The following PARN variants were observed in gnomAD, a reference collection of about 807,000 sequenced individuals.
The protein encoded by PARN is poly(A)-specific ribonuclease.
PARN carries 71 observed loss-of-function variants against 102.8 expected under a neutral mutation model. That is an observed-to-expected ratio of 0.69 (90% CI 0.57 to 0.84). The LOEUF (loss-of-function observed/expected upper bound fraction) is 0.84, where lower values mean the gene tolerates loss of function less well. Among genes scored for constraint, PARN ranks in the 40% least tolerant of loss-of-function variants. The pLI is 0.00. For missense variants in PARN, 782 were observed against 760.9 expected, an observed-to-expected ratio of 1.03 and a Z score of -0.33; for synonymous variants, 261 against 252.9, an observed-to-expected ratio of 1.03 and a Z score of -0.30.
intron 22 of PARN, among the ~76,000 whole-genome samples, chr16:14,449,652 AAAAG>A (rs1210582779): frequency 2.0e-5 from 3 of 152,232 alleles, no homozygotes; most frequent in African/African-American, 7.2e-5. Context: ...CTTGAAGAGA[AAAAG>A]AAAGACCAAA....
At chr16:14,629,793 T>C (rs1463491400) in intron 1 of PARN, 119 bp from the exon 2 acceptor site, 5 of 796,454 alleles carry the variant, frequency 6.3e-6, no homozygotes, top group Non-Finnish European at 1.1e-5. Context: ...GTCCCGGAGG[T>C]GTGCACCGGG....
chr16:14,480,914 G>A (rs1383174447), intron 22 of PARN, among the ~76,000 whole-genome samples: 1 of 151,224 alleles, frequency 6.6e-6, no homozygotes, highest in East Asian at 1.9e-4. Flanking sequence ...ACTCCAGCCT[G>A]GGAAAAAGAG....
intron 22 of PARN, among the ~76,000 whole-genome samples, chr16:14,455,589 G>A (rs1315996871): frequency 6.6e-6 from 1 of 152,200 alleles, no homozygotes; most frequent in Non-Finnish European, 1.5e-5. Flanking sequence ...ACGCTTCAAA[G>A]CTACCAACTT....
intron 5 of PARN, among the ~76,000 whole-genome samples, chr16:14,625,854 G>C (rs933884054): frequency 2.0e-5 from 3 of 152,216 alleles, no homozygotes; most frequent in Non-Finnish European, 2.9e-5. Context: ...TAGTGGGAGA[G>C]AAGATAGGAT....
At chr16:14,527,021 T>C (rs2151661878) in intron 21 of PARN, among the ~76,000 whole-genome samples, 1 of 152,348 alleles carries the variant, frequency 6.6e-6, no homozygotes, top group African/African-American at 2.4e-5. Flanking sequence ...CACTCCAGTC[T>C]TGCAGCTATA....
At chr16:14,523,091 A>T (rs1047433021) in intron 21 of PARN, among the ~76,000 whole-genome samples, 1 of 152,158 alleles carries the variant, frequency 6.6e-6, no homozygotes, top group African/African-American at 2.4e-5. Flanking sequence ...AAAAAAGGAA[A>T]ACCTTGACAT....
chr16:14,604,766 C>T (rs759608710), intron 10 of PARN, among the ~76,000 whole-genome samples: 3 of 151,970 alleles, frequency 2.0e-5, no homozygotes, highest in Non-Finnish European at 2.9e-5. Context: ...CAGGTGCGCA[C>T]CAATACGCCC....
intron 18 of PARN, among the ~76,000 whole-genome samples, chr16:14,561,663 G>C (rs952987223): frequency 6.6e-6 from 1 of 152,094 alleles, no homozygotes; most frequent in Non-Finnish European, 1.5e-5. Context: ...AAGTAAATTA[G>C]CCGGGCAAGG....
intron 22 of PARN, among the ~76,000 whole-genome samples, chr16:14,449,682 T>G (rs140701603): frequency 4.5e-4 from 68 of 151,974 alleles, no homozygotes; most frequent in African/African-American, 1.6e-3. Context: ...TATAGAAAAC[T>G]AAAAAAGGTA....
At chr16:14,523,877 G>A (rs774349416) in intron 21 of PARN, among the ~76,000 whole-genome samples, 1 of 151,968 alleles carries the variant, frequency 6.6e-6, no homozygotes, top group Non-Finnish European at 1.5e-5. Flanking sequence ...GAACACCATA[G>A]GGAGCACTTA....
intron 21 of PARN, among the ~76,000 whole-genome samples, chr16:14,538,324 C>T (rs576733970): frequency 6.6e-6 from 1 of 150,698 alleles, no homozygotes; most frequent in East Asian, 2.0e-4. Flanking sequence ...GTTCAAGCAA[C>T]TCTCCTGCCT....
intron 1 of PARN, 122 bp from the exon 2 acceptor site, chr16:14,629,796 G>T: frequency 1.3e-6 from 1 of 773,684 alleles, no homozygotes; most frequent in Non-Finnish European, 2.2e-6. Flanking sequence ...CCGGAGGTGT[G>T]CACCGGGGCG....
intron 21 of PARN, among the ~76,000 whole-genome samples, chr16:14,542,014 T>C (rs2379096): frequency 0.68 from 102,794 of 151,714 alleles, 36,145 homozygotes; most frequent in Non-Finnish European, 0.78. Context: ...TAGAGAATGA[T>C]TTTTTTTTGA....
At chr16:14,572,244 C>T (rs1188324642) in intron 18 of PARN, among the ~76,000 whole-genome samples, 2 of 152,172 alleles carry the variant, frequency 1.3e-5, no homozygotes, top group African/African-American at 4.8e-5. Flanking sequence ...TGCGACCCTG[C>T]ACGCCATGCT....
intron 6 of PARN, among the ~76,000 whole-genome samples, chr16:14,616,292 A>C (rs1165987621): frequency 1.3e-5 from 2 of 152,186 alleles, no homozygotes; most frequent in Admixed American, 6.5e-5. Context: ...TGTAGAAGAG[A>C]AATCATGCTA....
chr16:14,534,913 C>A (rs1277426953), intron 21 of PARN, among the ~76,000 whole-genome samples: 1 of 151,428 alleles, frequency 6.6e-6, no homozygotes, highest in African/African-American at 2.4e-5. Flanking sequence ...CGGCTCACCA[C>A]AACCTCCACC....
intron 5 of PARN, among the ~76,000 whole-genome samples, 197 bp from the exon 6 acceptor site, chr16:14,617,847 T>G (rs111902189): frequency 1.3e-4 from 20 of 152,336 alleles, no homozygotes; most frequent in Admixed American, 4.6e-4. Flanking sequence ...TTCTCCTTTA[T>G]AGCTTACAAA....
At chr16:14,520,624 G>A (rs1301167298) in intron 21 of PARN, among the ~76,000 whole-genome samples, 1 of 151,968 alleles carries the variant, frequency 6.6e-6, no homozygotes, top group Non-Finnish European at 1.5e-5. Context: ...GCTTGAGCCT[G>A]GGAGGTGGAG....
intron 6 of PARN, among the ~76,000 whole-genome samples, chr16:14,616,101 T>C (rs926540574): frequency 6.6e-6 from 1 of 152,204 alleles, no homozygotes; most frequent in Non-Finnish European, 1.5e-5. Context: ...ACAAAATTTA[T>C]GTAAATAATT....
Sources: gnomAD v4.1 joint callset for allele counts (sites outside exome capture counted in the v4.1 genomes callset) on GRCh38, gnomAD v4.1.1 for gene constraint, MANE v1.5 for transcripts, NCBI Gene and HGNC (gene_info 2026-07-23, HGNC 2026-07-21) for gene names.